The following USP47 variants were observed in gnomAD, a reference collection of about 807,000 sequenced individuals.
The protein encoded by USP47 is ubiquitin carboxyl-terminal hydrolase 47.
USP47 carries 35 observed loss-of-function variants against 165.1 expected under a neutral mutation model. The ratio of observed to expected loss-of-function variants is 0.21; its 90% CI spans 0.16 to 0.28. USP47 has a LOEUF of 0.28. Ranked by LOEUF, USP47 falls within the 10% of genes least tolerant of loss-of-function variation. USP47 has a pLI of 1.00. For missense variants in USP47, 1,277 were observed against 1,607.4 expected, an observed-to-expected ratio of 0.79 and a Z score of 3.52; for synonymous variants, 531 against 544.5, an observed-to-expected ratio of 0.98 and a Z score of 0.35.
At chr11:11,892,164 C>G in intron 4 of USP47, 58 bp downstream of exon 4, 2 of 1,531,502 alleles carry the variant, frequency 1.3e-6, no homozygotes, top group Non-Finnish European at 1.8e-6. Context: ...GTAATCTTAG[C>G]GATTTGAAGC....
intron 3 of USP47, among the ~76,000 whole-genome samples, chr11:11,885,582 A>T (rs190665687): frequency 9.2e-5 from 14 of 152,266 alleles, no homozygotes; most frequent in Non-Finnish European, 1.5e-4. Flanking sequence ...TCCAATACAC[A>T]GAGCTATGTG....
At position 11,930,027 on chromosome 11, in the gene USP47, A is replaced by G. The variant is rs1415072450; in HGVS notation, c.1519-17A>G. 3 of 1,609,790 alleles carry G rather than the reference A, an allele frequency of 1.9e-6. No individual in the cohort carries two copies. The highest frequency in any genetic ancestry group is 2.5e-6 in the Non-Finnish European group (3 of 1,176,742). ...TGTTATAGAATTTGCAAAAAAAATC[A>G]TGTAACACATTTTCAGATAACACAA... On this transcript the variant is annotated splice_polypyrimidine_tract_variant and intron_variant, in intron 12 of 27. Coordinates refer to ENST00000527733, the MANE Select transcript of USP47 (RefSeq NM_001282659.2).
chr11:11,927,258 C>CAT (rs1854317998), intron 11 of USP47, among the ~76,000 whole-genome samples: 1 of 152,016 alleles, frequency 6.6e-6, no homozygotes, highest in Admixed American at 6.6e-5. Flanking sequence ...TCAGTTTGAA[C>CAT]ATGATATGCC....
At chr11:11,845,822 A>G (rs1054565363) in intron 1 of USP47, among the ~76,000 whole-genome samples, 12 of 152,164 alleles carry the variant, frequency 7.9e-5, no homozygotes, top group African/African-American at 2.7e-4. Flanking sequence ...GTCTTAGAAG[A>G]GATCTGTTAT....
intron 1 of USP47, among the ~76,000 whole-genome samples, chr11:11,874,580 A>G (rs1272175255): frequency 2.0e-5 from 3 of 149,112 alleles, no homozygotes; most frequent in Admixed American, 6.7e-5. Context: ...TTTTTTTGAG[A>G]CGGAGTTTTG....
rs987696582 is a variant in USP47 at position 11,959,773 on chromosome 11, C to G, written c.*3598C>G. On this transcript the variant is annotated 3_prime_UTR_variant, in exon 28 of 28. Coordinates refer to ENST00000527733, the MANE Select transcript of USP47 (RefSeq NM_001282659.2). ...CCATCACAGCACTGCCCCTTTCCAC[C>G]TCCTCACCAGCTCACCTGTACAAGA... is the stretch of plus-strand genomic sequence containing the variant. Among the ~76,000 whole-genome samples, 3 of 152,106 alleles carry G rather than the reference C, an allele frequency of 2.0e-5. No homozygotes were observed. Among genetic ancestry groups the G allele is most frequent in the African/African-American group, 4.8e-5 (2 of 41,410 alleles).
rs187194794 is a variant in USP47, at chr11:11,936,882, G to A, written c.2077+372G>A. Among the ~76,000 whole-genome samples the A allele has an allele frequency of 5.5e-4, 84 of 151,816 alleles. 1 individual carries two copies. Among genetic ancestry groups the A allele is most frequent in the Middle Eastern group, 6.8e-3 (2 of 294 alleles). On this transcript the variant is annotated intron_variant, in intron 17 of 27. Transcript: ENST00000527733. ...CTTTCTCTTTATGGAGAAGACCTTG[G>A]TCCAAAAAAGTATATTCCCATAAAG... is the stretch of plus-strand genomic sequence containing the variant.
At chr11:11,888,626 A>G (rs1590309644) in intron 3 of USP47, among the ~76,000 whole-genome samples, 3 of 152,322 alleles carry the variant, frequency 2.0e-5, no homozygotes, top group Admixed American at 1.3e-4. Flanking sequence ...CAGAGGTACA[A>G]AGAAGAGCTG....
At chr11:11,931,964 A>T (rs576539930) in intron 14 of USP47, among the ~76,000 whole-genome samples, 1 of 152,194 alleles carries the variant, frequency 6.6e-6, no homozygotes, top group Non-Finnish European at 1.5e-5. Context: ...CTCACAAATT[A>T]TATCAGGCTG....
At chr11:11,881,537 G>A (rs1430058407) in intron 2 of USP47, among the ~76,000 whole-genome samples, 2 of 151,942 alleles carry the variant, frequency 1.3e-5, no homozygotes, top group Non-Finnish European at 2.9e-5. Flanking sequence ...TTTGGGCTGT[G>A]GTTCCCCTTA....
chr11:11,891,900 A>AAATGGTG, intron 3 of USP47, 68 bp from the exon 4 acceptor site: 2 of 1,548,144 alleles, frequency 1.3e-6, no homozygotes, highest in Non-Finnish European at 1.7e-6. Context: ...TTCCTACAGG[A>AAATGGTG]AATGGTGAAT....
At chr11:11,868,012 C>T (rs1379547395) in intron 1 of USP47, among the ~76,000 whole-genome samples, 1 of 152,266 alleles carries the variant, frequency 6.6e-6, no homozygotes, top group African/African-American at 2.4e-5. Context: ...AGGCAGTCCT[C>T]TTTCAGTCTC....
At chr11:11,912,069 A>C (rs1269557054) in intron 8 of USP47, among the ~76,000 whole-genome samples, 1 of 151,980 alleles carries the variant, frequency 6.6e-6, no homozygotes, top group African/African-American at 2.4e-5. Flanking sequence ...GGCACAACTA[A>C]AGCAATACCG....
intron 16 of USP47, 78 bp downstream of exon 16, chr11:11,934,013 T>C: frequency 9.9e-7 from 1 of 1,013,656 alleles, no homozygotes; most frequent in East Asian, 2.5e-5. Context: ...TTATAATGGA[T>C]AATAGTTATA....
chr11:11,841,996 G>T lies in USP47; in HGVS notation c.-190G>T, dbSNP rs1848143340. 5.5e-6 allele frequency: 3 copies of T among 547,232 alleles called. No homozygotes were observed. The highest frequency in any genetic ancestry group is 7.1e-5 in the Admixed American group (2 of 28,134). 33.9% of individuals were successfully genotyped at this position (547,232 alleles called of 1,614,324 possible). On this transcript the variant is annotated 5_prime_UTR_variant, in exon 1 of 28. Transcript: ENST00000527733. ...CGACGAAGGCGGCTGTGGTAGCGGC[G>T]GCGGCGGCGGCGGAGCCCTGGGTCG... is the stretch of plus-strand genomic sequence containing the variant.
intron 8 of USP47, among the ~76,000 whole-genome samples, chr11:11,906,688 T>C (rs1455541322): frequency 6.6e-6 from 1 of 152,198 alleles, no homozygotes; most frequent in Admixed American, 6.5e-5. Context: ...AGATGTTTAG[T>C]ACTACTTTTT....
chr11:11,943,300 T>C (rs1855609621), intron 20 of USP47, 188 bp downstream of exon 20: 1 of 475,502 alleles, frequency 2.1e-6, no homozygotes, highest in Non-Finnish European at 3.5e-6. Flanking sequence ...ATGGTAATTA[T>C]ATCAGAACTC....
chr11:11,941,557 C>T (rs1855473368), intron 19 of USP47, among the ~76,000 whole-genome samples: 1 of 151,768 alleles, frequency 6.6e-6, no homozygotes, highest in Middle Eastern at 3.2e-3. Context: ...AGAGTGAACC[C>T]CCACACATCC....
intron 5 of USP47, among the ~76,000 whole-genome samples, chr11:11,902,488 CT>C (rs1326816297): frequency 9.2e-5 from 14 of 152,056 alleles, no homozygotes; most frequent in South Asian, 2.1e-4. Context: ...GCACTTTTGC[CT>C]TGTTATGCCT....
Sources: allele counts gnomAD v4.1 joint callset (sites outside exome capture counted in the v4.1 genomes callset), GRCh38; gene constraint gnomAD v4.1.1; transcripts MANE v1.5; gene names NCBI Gene and HGNC (gene_info 2026-07-23, HGNC 2026-07-21).